BORCS8: variants seen among roughly 807,000 people sequenced by gnomAD.
BORCS8 encodes the protein BLOC-1 related complex subunit 8.
Under a neutral mutation model 18.7 loss-of-function variants are expected in BORCS8, and 13 were observed. The ratio of observed to expected loss-of-function variants is 0.70; its 90% confidence interval spans 0.45 to 1.11. The LOEUF is 1.11. Ranked by LOEUF, BORCS8 falls within the 50% of genes least tolerant of loss-of-function variation. The probability of loss-of-function intolerance (pLI) is 0.00; values close to 1 mark genes in which losing one functional copy is unlikely to be tolerated. For synonymous variants in BORCS8, 68 were observed against 64.8 expected (o/e 1.05, Z -0.24); for missense variants, 165 against 165.7 (o/e 1.00, Z 0.02).
In BORCS8 at chr19:19,182,295, T is replaced by C; in HGVS notation, c.326+278A>G. On this transcript the variant is annotated intron_variant, in intron 4 of 5. Coordinates refer to ENST00000462790, the MANE Select transcript of BORCS8 (RefSeq NM_001145784.2). The surrounding 1 kb of genome is among the most constrained non-coding windows in gnomAD (Gnocchi z 4.1). ...CATGCTCTTGTCTGCCATGTTTACC[T>C]GGTTGTCGTATGTCTCCTTGTGAGC... 2 of 711,732 alleles carry C rather than the reference T, an allele frequency of 2.8e-6. No individual in the cohort carries two copies. Among genetic ancestry groups the C allele is most frequent in the Non-Finnish European group, 3.9e-6 (2 of 517,596 alleles). 44.1% of individuals were successfully genotyped at this position (711,732 alleles called of 1,614,324 possible).
chr19:19,187,090 G>A (rs909944340), intron 1 of BORCS8, 85 bp from the exon 2 acceptor site: 2 of 1,013,084 alleles, frequency 2.0e-6, no homozygotes, highest in African/African-American at 1.6e-5. Context: ...CCCAGCCAGA[G>A]CAAAGGGGGC....
intron 1 of BORCS8, among the ~76,000 whole-genome samples, chr19:19,188,787 G>A (rs1423032838): frequency 6.6e-6 from 1 of 152,038 alleles, no homozygotes; most frequent in Non-Finnish European, 1.5e-5. Context: ...TCACCAGCCA[G>A]CCCTGCCCTG....
At chr19:19,185,950 G>A in intron 3 of BORCS8, 84 bp downstream of exon 3, 1 of 1,377,946 alleles carries the variant, frequency 7.3e-7, no homozygotes, top group Non-Finnish European at 1.0e-6. Context: ...GGGCTTACTG[G>A]GCAGTTGGCT....
At chr19:19,189,555 C>T (rs1398713876) in intron 1 of BORCS8, among the ~76,000 whole-genome samples, 4 of 152,164 alleles carry the variant, frequency 2.6e-5, no homozygotes, top group Non-Finnish European at 5.9e-5. Flanking sequence ...CCTGGCTCTT[C>T]CTTGGACCTC....
Position 19,182,263 on chromosome 19 carries a change from C to A in BORCS8, c.326+310G>T. The A allele has an allele frequency of 1.9e-6, 1 of 515,630 alleles. No individual in the cohort carries two copies. The highest frequency in any genetic ancestry group is 2.8e-6 in the Non-Finnish European group (1 of 358,084). 31.9% of individuals were successfully genotyped at this position (515,630 alleles called of 1,614,324 possible). On this transcript the variant is annotated intron_variant, in intron 4 of 5. Coordinates refer to ENST00000462790, the MANE Select transcript of BORCS8 (RefSeq NM_001145784.2). The surrounding 1 kb of genome is among the most constrained non-coding windows in gnomAD (Gnocchi z 4.1). The stretch of plus-strand genomic sequence containing the variant: ...GGGCCCCGCAGTGTTCTTCACAGCG[C>A]ATCTGACATGCTCTTGTCTGCCATG...
rs2060423040 is a variant in BORCS8, at chr19:19,187,603, A to G, written c.38-598T>C. ...CATCAGGCTGGAGTGCAGTGGTGCA[A>G]TCTCGGCTCACCACAACCTCCGACT... is the stretch of plus-strand genomic sequence containing the variant. On this transcript the variant is annotated intron_variant, in intron 1 of 5. Coordinates refer to ENST00000462790, the MANE Select transcript of BORCS8 (RefSeq NM_001145784.2). Among the ~76,000 whole-genome samples the G allele has an allele frequency of 3.3e-5, 5 of 151,186 alleles. No homozygotes were observed. In the South Asian group the frequency reaches 1.1e-3, roughly 32 times the overall value.
intron 1 of BORCS8, among the ~76,000 whole-genome samples, chr19:19,190,771 A>G (rs2060461328): frequency 6.6e-6 from 1 of 151,878 alleles, no homozygotes; most frequent in Non-Finnish European, 1.5e-5. Context: ...CTTGGCAACA[A>G]GAGCAAAACT....
intron 1 of BORCS8, among the ~76,000 whole-genome samples, chr19:19,188,896 G>A (rs1313069561): frequency 1.3e-5 from 2 of 151,884 alleles, no homozygotes; most frequent in African/African-American, 4.8e-5. Context: ...GTGCAGTAGT[G>A]TAATCTCGGC....
intron 1 of BORCS8, among the ~76,000 whole-genome samples, chr19:19,190,013 T>C (rs1467309101): frequency 6.6e-6 from 1 of 152,158 alleles, no homozygotes; most frequent in East Asian, 1.9e-4. Context: ...CCTTTGCACT[T>C]GGTATTCCCA....
At chr19:19,189,287 C>T (rs1337525179) in intron 1 of BORCS8, among the ~76,000 whole-genome samples, 1 of 152,140 alleles carries the variant, frequency 6.6e-6, no homozygotes, top group Admixed American at 6.6e-5. Flanking sequence ...CTGCCCGCAC[C>T]GGTCCAGGCA....
chr19:19,184,041 C>A (rs1010664347), intron 3 of BORCS8, among the ~76,000 whole-genome samples: 4 of 151,898 alleles, frequency 2.6e-5, no homozygotes, highest in Admixed American at 2.6e-4. Flanking sequence ...CACCACCACA[C>A]CTGGCTAATT....
chr19:19,188,581 C>T (rs1842051864), intron 1 of BORCS8, among the ~76,000 whole-genome samples: 1 of 152,176 alleles, frequency 6.6e-6, no homozygotes, highest in Admixed American at 6.5e-5. Flanking sequence ...AGCATGCCCA[C>T]AGGACCTGAA....
rs181116871 is a variant in BORCS8 at position 19,187,118 on chromosome 19, G to A, written c.38-113C>T. 398 of 741,150 alleles carry A rather than the reference G, an allele frequency of 5.4e-4. 4 individuals are homozygous for A. The highest frequency in any genetic ancestry group is 9.8e-5 in the Admixed American group (4 of 40,850). 45.9% of individuals were successfully genotyped at this position (741,150 alleles called of 1,614,324 possible). ...AAGGGGGCATCTGGCGTGTCCCTCC[G>A]CAGCTAGGTCACTCCTGGCCCATGA... On this transcript the variant is annotated intron_variant, in intron 1 of 5. Coordinates refer to ENST00000462790, the MANE Select transcript of BORCS8 (RefSeq NM_001145784.2).
chr19:19,183,308 G>A (rs910279545), intron 3 of BORCS8, among the ~76,000 whole-genome samples: 1 of 151,858 alleles, frequency 6.6e-6, no homozygotes, highest in African/African-American at 2.4e-5. Flanking sequence ...TACTCGGGAG[G>A]CTGAGGCAGG....
At chr19:19,177,740 AAAG>A (rs1424865565) in intron 5 of BORCS8, 2 of 175,322 alleles carry the variant, frequency 1.1e-5, no homozygotes, top group Non-Finnish European at 2.3e-5. Context: ...AAAGAAAAGA[AAAG>A]AAAAGAAAAG....
intron 4 of BORCS8, 23 bp from the exon 5 acceptor site, chr19:19,180,784 T>C (rs1396482371): frequency 6.5e-6 from 10 of 1,539,560 alleles, no homozygotes; most frequent in Non-Finnish European, 7.0e-6. Context: ...ATGTGCAGCA[T>C]CCATGAGGCC....
At position 19,177,452 on chromosome 19, in the gene BORCS8, AC is replaced by A. The variant is rs1184796516; in HGVS notation, c.*50del. 6.6e-6 allele frequency: 1 copy of A among 152,080 alleles called. No individual in the cohort carries two copies. Among genetic ancestry groups the A allele is most frequent in the African/African-American group, 2.4e-5 (1 of 41,192 alleles). 9.4% of individuals were successfully genotyped at this position (152,080 alleles called of 1,614,324 possible). ...AGACCAGCCTAGCCAACATGGTGAA[AC>A]CCCGTCTCTACAAAAAATACAAAAA... On this transcript the variant is annotated 3_prime_UTR_variant, in exon 6 of 6. Coordinates refer to ENST00000462790, the MANE Select transcript of BORCS8 (RefSeq NM_001145784.2).
intron 1 of BORCS8, among the ~76,000 whole-genome samples, chr19:19,189,043 C>A (rs2060440218): frequency 6.6e-6 from 1 of 152,090 alleles, no homozygotes; most frequent in Non-Finnish European, 1.5e-5. Context: ...CCATGTTGGC[C>A]AGGCTGGTCT....
intron 5 of BORCS8, chr19:19,179,349 G>A (rs2060329144): frequency 6.5e-6 from 1 of 152,696 alleles, no homozygotes. Flanking sequence ...CCAGAGCTAA[G>A]CCTGCTATGA....
Sources: allele counts gnomAD v4.1 joint callset (sites outside exome capture counted in the v4.1 genomes callset), GRCh38; gene constraint gnomAD v4.1.1; non-coding constraint Gnocchi (gnomAD v3.1); transcripts MANE v1.5; gene names NCBI Gene and HGNC (gene_info 2026-07-23, HGNC 2026-07-21).